Variants in RAPGEF6 observed in about 807,000 individuals in gnomAD.
RAPGEF6 encodes the protein PDZ domain containing guanine nucleotide exchange factor (GEF) 2.
In RAPGEF6, 56 loss-of-function variants were observed where a neutral mutation model predicts 171.4. The observed-to-expected ratio is 0.33, with a 90% CI of 0.26 to 0.41. The LOEUF is 0.41. RAPGEF6 is among the 10% of genes least tolerant of loss of function. The pLI, the probability that RAPGEF6 is intolerant of heterozygous loss-of-function variation, is 1.00. For missense variants in RAPGEF6, 1,674 were observed against 1,921.4 expected (o/e 0.87, Z 2.41); for synonymous variants, 692 against 650.1 (o/e 1.06, Z -0.98).
At chr5:131,479,145 T>C (rs186513355) in intron 16 of RAPGEF6, among the ~76,000 whole-genome samples, 252 of 151,550 alleles carry the variant, frequency 1.7e-3, no homozygotes, top group Admixed American at 3.2e-3. Context: ...AAGGAATAAA[T>C]GGTGCTGCAA....
At chr5:131,453,024 C>A in intron 21 of RAPGEF6, 30 bp downstream of exon 21, 4 of 1,597,156 alleles carry the variant, frequency 2.5e-6, no homozygotes, top group Non-Finnish European at 3.4e-6. Flanking sequence ...TGATACCACT[C>A]TAACACTTTT....
chr5:131,572,335 G>GT (rs1762354960), intron 4 of RAPGEF6, among the ~76,000 whole-genome samples: 1 of 152,078 alleles, frequency 6.6e-6, no homozygotes, highest in Admixed American at 6.5e-5. Context: ...CGGGTAAGCG[G>GT]TTTTTTCGCT....
At chr5:131,544,424 T>C (rs1185635183) in intron 6 of RAPGEF6, among the ~76,000 whole-genome samples, 2 of 151,758 alleles carry the variant, frequency 1.3e-5, no homozygotes, top group Admixed American at 6.6e-5. Context: ...ATCATTATAA[T>C]GTGTGAAAGA....
intron 25 of RAPGEF6, 97 bp from the exon 26 acceptor site, chr5:131,431,446 G>T (rs1390487746): frequency 2.3e-6 from 3 of 1,318,816 alleles, no homozygotes; most frequent in African/African-American, 1.5e-5. Flanking sequence ...TACAGAGCAC[G>T]TACCACAAGT....
At chr5:131,474,325 G>A (rs1251815370) in intron 16 of RAPGEF6, among the ~76,000 whole-genome samples, 1 of 152,112 alleles carries the variant, frequency 6.6e-6, no homozygotes, top group Non-Finnish European at 1.5e-5. Flanking sequence ...TTAGCCAGAA[G>A]TCGGGTGGCT....
intron 3 of RAPGEF6, among the ~76,000 whole-genome samples, chr5:131,600,158 T>C (rs1044790438): frequency 2.6e-5 from 4 of 152,226 alleles, no homozygotes; most frequent in African/African-American, 9.6e-5. Context: ...GTCAGAAAGA[T>C]ATTAGATTTG....
intron 6 of RAPGEF6, among the ~76,000 whole-genome samples, chr5:131,524,932 T>G (rs1046018056): frequency 3.9e-5 from 6 of 152,146 alleles, no homozygotes; most frequent in Non-Finnish European, 7.4e-5. Context: ...ATGGATATAT[T>G]AATTACCTTG....
Position 131,483,620 on chromosome 5 carries a change from T to C in RAPGEF6, c.1841-3867A>G, listed in dbSNP as rs376509368. Among the ~76,000 whole-genome samples the C allele has an allele frequency of 1.6e-3, 247 of 152,296 alleles. 11 individuals are homozygous for C. The South Asian group carries it at 0.05, about 31-fold the overall frequency. Reference sequence around the variant, plus strand: ...ACTACATAAAAATTAAAAATGTCTCTTCCCACATATGTATATATGCGTTCA... The same window carrying C: ...ACTACATAAAAATTAAAAATGTCTCCTCCCACATATGTATATATGCGTTCA... On this transcript the variant is annotated intron_variant, in intron 15 of 27. Coordinates refer to ENST00000509018, the MANE Select transcript of RAPGEF6 (RefSeq NM_016340.6).
intron 20 of RAPGEF6, among the ~76,000 whole-genome samples, chr5:131,454,883 C>G (rs1439899592): frequency 6.6e-6 from 1 of 152,194 alleles, no homozygotes; most frequent in Non-Finnish European, 1.5e-5. Context: ...GCAAATAAAA[C>G]TGTAAGCTAA....
At chr5:131,440,227 C>G (rs1234858009) in intron 23 of RAPGEF6, 4 of 456,178 alleles carry the variant, frequency 8.8e-6, no homozygotes, top group African/African-American at 8.0e-5. Context: ...ACTAAATTCA[C>G]ACTACAGGAG....
chr5:131,506,802 T>C (rs564945191), intron 9 of RAPGEF6, among the ~76,000 whole-genome samples: 1 of 152,222 alleles, frequency 6.6e-6, no homozygotes, highest in East Asian at 1.9e-4. Context: ...TTGTATAAAA[T>C]AGAAGTTACT....
In RAPGEF6 at chr5:131,505,470, T is replaced by C; in HGVS notation, c.995A>G (p.Asp332Gly). ...CATAAACAAATTTTCAACTTTTCCA[T>C]CTGGATGACTGATTTCCACAGTGCC... ...LNGTVEISHP[D>G]GKVENLFMGN... is the part of the protein sequence containing the mutation. Residue 332 changes from aspartate (D) to glycine (G), a missense_variant, in exon 10 of 28, where the codon GAT becomes GGT. Coordinates refer to ENST00000509018, the MANE Select transcript of RAPGEF6 (RefSeq NM_016340.6). The C allele has an allele frequency of 6.2e-7, 1 of 1,613,656 alleles. No homozygotes were observed. Among genetic ancestry groups the C allele is most frequent in the Non-Finnish European group, 8.5e-7 (1 of 1,179,744 alleles).
At chr5:131,541,202 A>C (rs1243713924) in intron 6 of RAPGEF6, among the ~76,000 whole-genome samples, 5 of 152,360 alleles carry the variant, frequency 3.3e-5, no homozygotes, top group Non-Finnish European at 7.3e-5. Flanking sequence ...TATGAACAGG[A>C]AATGTCAGGA....
At chr5:131,603,351 T>G in intron 2 of RAPGEF6, 24 bp from the exon 3 acceptor site, 1 of 1,417,234 alleles carries the variant, frequency 7.1e-7, no homozygotes. Flanking sequence ...AAATTGAAGA[T>G]TTTATCTTAC....
In RAPGEF6 at chr5:131,427,248, A is replaced by C; in HGVS notation, c.*18T>G. On this transcript the variant is annotated 3_prime_UTR_variant, in exon 28 of 28. Coordinates refer to ENST00000509018, the MANE Select transcript of RAPGEF6 (RefSeq NM_016340.6). ...TCCTCCACGACTTTCAGTGGTTTTC[A>C]AATAGGTCATCCAAAGGCTAGACTG... The C allele has an allele frequency of 6.2e-7, 1 of 1,606,754 alleles. No homozygotes were observed. The highest frequency in any genetic ancestry group is 8.5e-7 in the Non-Finnish European group (1 of 1,173,366).
intron 4 of RAPGEF6, among the ~76,000 whole-genome samples, chr5:131,579,169 C>T (rs1044365865): frequency 6.6e-6 from 1 of 152,060 alleles, no homozygotes; most frequent in African/African-American, 2.4e-5. Context: ...GTTGTTCGCT[C>T]CTCCCGTCTG....
At chr5:131,452,168 C>T (rs1443722182) in intron 21 of RAPGEF6, among the ~76,000 whole-genome samples, 3 of 149,546 alleles carry the variant, frequency 2.0e-5, no homozygotes, top group Non-Finnish European at 4.4e-5. Context: ...TGCAGTGAGC[C>T]GAGATTGCGC....
chr5:131,498,758 G>C, intron 11 of RAPGEF6, 151 bp from the exon 12 acceptor site: 2 of 706,392 alleles, frequency 2.8e-6, no homozygotes, highest in Non-Finnish European at 4.7e-6. Context: ...GGGAGAATTG[G>C]AATGCAAACT....
intron 1 of RAPGEF6, among the ~76,000 whole-genome samples, chr5:131,617,932 C>T (rs1765371374): frequency 6.6e-6 from 1 of 152,140 alleles, no homozygotes; most frequent in Non-Finnish European, 1.5e-5. Context: ...GTATAAACAA[C>T]ATTCGGCAAA....
Sources: gnomAD v4.1 joint callset for allele counts (sites outside exome capture counted in the v4.1 genomes callset) on GRCh38, gnomAD v4.1.1 for gene constraint, MANE v1.5 for transcripts, NCBI Gene and HGNC (gene_info 2026-07-23, HGNC 2026-07-21) for gene names.